GABRG3: variants seen among roughly 807,000 people sequenced by gnomAD.
The protein encoded by GABRG3 is gamma-aminobutyric acid receptor subunit gamma-3.
In GABRG3, 25 loss-of-function variants were observed where a neutral mutation model predicts 48.8. That is an observed-to-expected ratio of 0.51 (90% CI 0.37 to 0.72). The LOEUF (loss-of-function observed/expected upper bound fraction) is 0.72, where lower values mean the gene tolerates loss of function less well. Among genes scored for constraint, GABRG3 ranks in the 30% least tolerant of loss-of-function variants. The pLI is 0.00. For synonymous variants in GABRG3, 227 were observed against 217.6 expected (o/e 1.04, Z -0.38); for missense variants, 394 against 577.9 (o/e 0.68, Z 3.26).
chr15:27,103,134 T>C (rs1897389192), intron 3 of GABRG3, among the ~76,000 whole-genome samples: 1 of 152,150 alleles, frequency 6.6e-6, no homozygotes, highest in African/African-American at 2.4e-5. Flanking sequence ...CTGTATGAAA[T>C]TGATGCTGGA....
chr15:27,343,336 A>G (rs1273476633), intron 5 of GABRG3, among the ~76,000 whole-genome samples: 1 of 152,256 alleles, frequency 6.6e-6, no homozygotes, highest in Admixed American at 6.5e-5. Context: ...ATTTAACAGC[A>G]TGAAATGATA....
chr15:27,429,908 T>C (rs1888400952), intron 5 of GABRG3, among the ~76,000 whole-genome samples: 1 of 152,214 alleles, frequency 6.6e-6, no homozygotes, highest in Non-Finnish European at 1.5e-5. Context: ...TGATTATTTA[T>C]TTAGTGCTGT....
chr15:27,489,592 C>T (rs555669001), intron 6 of GABRG3, among the ~76,000 whole-genome samples: 1 of 152,294 alleles, frequency 6.6e-6, no homozygotes, highest in Non-Finnish European at 1.5e-5. Context: ...GAGGGTATCT[C>T]ATTGTGGTCT....
intron 5 of GABRG3, among the ~76,000 whole-genome samples, chr15:27,397,950 G>A (rs537866694): frequency 2.6e-3 from 389 of 151,746 alleles, no homozygotes; most frequent in African/African-American, 8.7e-3. Context: ...GACTACAGGC[G>A]CCCGCCACCA....
At chr15:27,286,890 C>G (rs1891631555) in intron 3 of GABRG3, among the ~76,000 whole-genome samples, 1 of 152,160 alleles carries the variant, frequency 6.6e-6, no homozygotes, top group East Asian at 1.9e-4. Context: ...GCCCTACTCT[C>G]TCCCTCCAGA....
At chr15:27,405,771 C>A (rs995840537) in intron 5 of GABRG3, among the ~76,000 whole-genome samples, 3 of 151,832 alleles carry the variant, frequency 2.0e-5, no homozygotes, top group Non-Finnish European at 4.4e-5. Context: ...GTACACCCAG[C>A]ACCCTTGTCT....
At chr15:27,331,330 G>A (rs931888944) in intron 5 of GABRG3, among the ~76,000 whole-genome samples, 4 of 152,112 alleles carry the variant, frequency 2.6e-5, no homozygotes, top group Non-Finnish European at 4.4e-5. Context: ...CCAAAATTTG[G>A]AAGCAACCAA....
intron 3 of GABRG3, among the ~76,000 whole-genome samples, chr15:27,039,046 G>A (rs777022125): frequency 7.2e-5 from 11 of 152,160 alleles, no homozygotes; most frequent in South Asian, 2.1e-4. Context: ...GTTGGGCTCC[G>A]TTACAAGTAC....
At chr15:27,404,652 G>T (rs1595732765) in intron 5 of GABRG3, among the ~76,000 whole-genome samples, 1 of 152,146 alleles carries the variant, frequency 6.6e-6, no homozygotes, top group African/African-American at 2.4e-5. Flanking sequence ...TCTACTTGGG[G>T]CACCCACCGC....
At chr15:27,072,745 G>C (rs1896849156) in intron 3 of GABRG3, among the ~76,000 whole-genome samples, 1 of 152,180 alleles carries the variant, frequency 6.6e-6, no homozygotes, top group Non-Finnish European at 1.5e-5. Context: ...TGAGGAGGAA[G>C]GGGGGTTTGC....
At chr15:27,324,237 T>C (rs976813793) in intron 3 of GABRG3, among the ~76,000 whole-genome samples, 5 of 152,216 alleles carry the variant, frequency 3.3e-5, no homozygotes, top group African/African-American at 1.2e-4. Flanking sequence ...ATACCTGTCC[T>C]GGTAGAGACA....
At chr15:27,269,190 C>T (rs1243494115) in intron 3 of GABRG3, among the ~76,000 whole-genome samples, 1 of 152,160 alleles carries the variant, frequency 6.6e-6, no homozygotes, top group Non-Finnish European at 1.5e-5. Context: ...ATCCTCCTGC[C>T]AGGTCAGTTG....
At chr15:27,356,474 TC>T (rs767354963) in intron 5 of GABRG3, among the ~76,000 whole-genome samples, 26 of 152,184 alleles carry the variant, frequency 1.7e-4, no homozygotes, top group Non-Finnish European at 3.8e-4. Flanking sequence ...CCTCGGCTCT[TC>T]TCTTCAGACT....
chr15:27,335,850 G>GTGATTTATACTAATCAGT (rs1893945954), intron 5 of GABRG3, among the ~76,000 whole-genome samples: 6 of 152,144 alleles, frequency 3.9e-5, no homozygotes, highest in African/African-American at 1.2e-4. Context: ...CATTTTAAAT[G>GTGATTTATACTAATCAGT]TATACTAAAA....
chr15:26,977,554 G>A (rs926770782), intron 2 of GABRG3, among the ~76,000 whole-genome samples: 11 of 152,088 alleles, frequency 7.2e-5, no homozygotes, highest in African/African-American at 2.7e-4. Flanking sequence ...GTCATTTTGA[G>A]AATGTCACGT....
intron 3 of GABRG3, among the ~76,000 whole-genome samples, chr15:27,212,553 T>C (rs2140435590): frequency 6.6e-6 from 1 of 152,344 alleles, no homozygotes; most frequent in South Asian, 2.1e-4. Context: ...AAAATCCTCA[T>C]GCTCATTATT....
At chr15:27,120,798 A>G (rs1897718017) in intron 3 of GABRG3, among the ~76,000 whole-genome samples, 1 of 152,144 alleles carries the variant, frequency 6.6e-6, no homozygotes, top group Non-Finnish European at 1.5e-5. Flanking sequence ...CGTGTCTCAC[A>G]TAATATAGAT....
At chr15:27,246,371 G>A (rs1324172750) in intron 3 of GABRG3, among the ~76,000 whole-genome samples, 1 of 152,104 alleles carries the variant, frequency 6.6e-6, no homozygotes, top group Non-Finnish European at 1.5e-5. Flanking sequence ...TGAATCATGT[G>A]GTCTTTTTAT....
chr15:27,237,051 A>G (rs1261465264), intron 3 of GABRG3, among the ~76,000 whole-genome samples: 1 of 152,212 alleles, frequency 6.6e-6, no homozygotes, highest in African/African-American at 2.4e-5. Flanking sequence ...GTTGACACTC[A>G]TTTGACGCAC....
Sources: gnomAD v4.1 joint callset for allele counts (sites outside exome capture counted in the v4.1 genomes callset) on GRCh38, gnomAD v4.1.1 for gene constraint, MANE v1.5 for transcripts, NCBI Gene and HGNC (gene_info 2026-07-23, HGNC 2026-07-21) for gene names.